UNC5D: variants seen among roughly 807,000 people sequenced by gnomAD.
The protein encoded by UNC5D is unc-5 netrin receptor D, also known as netrin receptor UNC5D.
A neutral mutation model predicts 105.4 loss-of-function variants in UNC5D; 39 were observed. That is an observed-to-expected ratio of 0.37 (90% CI 0.29 to 0.48). The LOEUF is 0.48. UNC5D is among the 20% of genes least tolerant of loss of function. The pLI, the probability that UNC5D is intolerant of heterozygous loss-of-function variation, is 0.98. For missense variants in UNC5D, 991 were observed against 1,202.4 expected, an observed-to-expected ratio of 0.82 and a Z score of 2.60; for synonymous variants, 452 against 450.4, an observed-to-expected ratio of 1.00 and a Z score of -0.04.
intron 1 of UNC5D, among the ~76,000 whole-genome samples, chr8:35,340,399 G>C (rs1013993015): frequency 6.6e-6 from 1 of 152,122 alleles, no homozygotes; most frequent in African/African-American, 2.4e-5. Context: ...GTGGACCAGA[G>C]TTATTACTCT....
At chr8:35,676,068 A>G (rs757991079) in intron 4 of UNC5D, among the ~76,000 whole-genome samples, 1 of 152,088 alleles carries the variant, frequency 6.6e-6, no homozygotes, top group Non-Finnish European at 1.5e-5. Flanking sequence ...ATCTGTTTAC[A>G]TCATGCTGCC....
intron 4 of UNC5D, among the ~76,000 whole-genome samples, chr8:35,677,377 G>T (rs983452402): frequency 6.6e-6 from 1 of 152,086 alleles, no homozygotes; most frequent in Non-Finnish European, 1.5e-5. Context: ...AGCAGTGCTC[G>T]TGGGGGTCTC....
chr8:35,713,749 T>C (rs1382106039), intron 8 of UNC5D, among the ~76,000 whole-genome samples: 2 of 152,110 alleles, frequency 1.3e-5, no homozygotes, highest in African/African-American at 4.8e-5. Flanking sequence ...GAAGCAGATA[T>C]TGGAGGAGAG....
At chr8:35,241,892 A>G (rs1802829349) in intron 1 of UNC5D, among the ~76,000 whole-genome samples, 2 of 152,204 alleles carry the variant, frequency 1.3e-5, no homozygotes, top group South Asian at 4.1e-4. Flanking sequence ...ATTATAAACT[A>G]TAGTCACCCT....
intron 1 of UNC5D, among the ~76,000 whole-genome samples, chr8:35,512,502 A>ATATG (rs1812795204): frequency 8.7e-6 from 1 of 114,502 alleles, no homozygotes; most frequent in Non-Finnish European, 1.7e-5. Context: ...ATATATATAT[A>ATATG]TATATATCTG....
chr8:35,383,457 A>C (rs548953699), intron 1 of UNC5D, among the ~76,000 whole-genome samples: 1 of 152,334 alleles, frequency 6.6e-6, no homozygotes, highest in South Asian at 2.1e-4. Context: ...TTGTATACCC[A>C]TTCCTTTGAG....
At chr8:35,750,379 C>T (rs1037926900) in intron 12 of UNC5D, among the ~76,000 whole-genome samples, 5 of 151,776 alleles carry the variant, frequency 3.3e-5, no homozygotes, top group Admixed American at 2.0e-4. Flanking sequence ...GCATGAGCCA[C>T]CATGCCTAGC....
At chr8:35,625,998 A>G (rs971910860) in intron 4 of UNC5D, among the ~76,000 whole-genome samples, 1 of 152,198 alleles carries the variant, frequency 6.6e-6, no homozygotes, top group African/African-American at 2.4e-5. Context: ...GTTTAATTAA[A>G]TTGCTCCTTG....
chr8:35,306,332 G>A (rs548385963), intron 1 of UNC5D, among the ~76,000 whole-genome samples: 2 of 152,038 alleles, frequency 1.3e-5, no homozygotes, highest in South Asian at 4.1e-4. Flanking sequence ...AGTTTCTCAA[G>A]ATTATCAATT....
chr8:35,553,741 A>G (rs1816332418), intron 2 of UNC5D, among the ~76,000 whole-genome samples: 1 of 152,210 alleles, frequency 6.6e-6, no homozygotes, highest in African/African-American at 2.4e-5. Flanking sequence ...TAGGGTGGAA[A>G]CAAAATGGCC....
intron 10 of UNC5D, chr8:35,727,564 T>C (rs951701810): frequency 2.6e-5 from 4 of 152,208 alleles, no homozygotes; most frequent in African/African-American, 4.8e-5. Flanking sequence ...TCATTTCTAG[T>C]TGATGAATGT....
intron 1 of UNC5D, among the ~76,000 whole-genome samples, chr8:35,353,717 T>C (rs1470215915): frequency 6.6e-6 from 1 of 152,076 alleles, no homozygotes; most frequent in Admixed American, 6.6e-5. Flanking sequence ...TCATGTGCAT[T>C]AATATTGAAA....
chr8:35,258,722 A>G (rs1345728161), intron 1 of UNC5D, among the ~76,000 whole-genome samples: 1 of 152,222 alleles, frequency 6.6e-6, no homozygotes, highest in Non-Finnish European at 1.5e-5. Context: ...AAGCGACTAT[A>G]GCTGCCATCA....
chr8:35,585,852 G>T (rs1021002660), intron 3 of UNC5D, among the ~76,000 whole-genome samples: 1 of 151,902 alleles, frequency 6.6e-6, no homozygotes, highest in Admixed American at 6.6e-5. Context: ...ACGTGGCATT[G>T]TCCTTTAATG....
chr8:35,305,589 C>CTTTCTTTA (rs1554505740), intron 1 of UNC5D, among the ~76,000 whole-genome samples: 8 of 61,676 alleles, frequency 1.3e-4, no homozygotes, highest in African/African-American at 6.6e-4. Context: ...TTCTTTCTTT[C>CTTTCTTTA]TTTCTTTCTT....
intron 1 of UNC5D, among the ~76,000 whole-genome samples, chr8:35,321,385 C>T (rs1190978005): frequency 6.6e-6 from 1 of 152,060 alleles, no homozygotes; most frequent in Admixed American, 6.6e-5. Flanking sequence ...GGCTGGTTTC[C>T]CCACTGCTGT....
intron 4 of UNC5D, among the ~76,000 whole-genome samples, chr8:35,663,898 T>G (rs534684167): frequency 6.6e-6 from 1 of 152,314 alleles, no homozygotes; most frequent in Non-Finnish European, 1.5e-5. Flanking sequence ...CTACAAACTT[T>G]TATTTTTTAA....
At chr8:35,385,045 G>A (rs184336915) in intron 1 of UNC5D, among the ~76,000 whole-genome samples, 118 of 152,330 alleles carry the variant, frequency 7.7e-4, no homozygotes, top group African/African-American at 2.7e-3. Flanking sequence ...CCAGTGTGAA[G>A]TCACAGGAGA....
Position 35,484,592 on chromosome 8 carries a change from T to A in UNC5D, c.104-64700T>A, listed in dbSNP as rs117443301. On this transcript the variant is annotated intron_variant, in intron 1 of 16. Transcript: ENST00000404895. ...TCCATGGCTTCCCACTGACATGTTA[T>A]GAAAATTGCAGATACCAGGAGGAAA... 2.0e-3 allele frequency among the ~76,000 whole-genome samples: 305 copies of A among 152,250 alleles called. 12 individuals are homozygous for A. The East Asian group carries it at 0.056, about 28-fold the overall frequency.
Sources: gnomAD v4.1 joint callset for allele counts (sites outside exome capture counted in the v4.1 genomes callset) on GRCh38, gnomAD v4.1.1 for gene constraint, MANE v1.5 for transcripts, NCBI Gene and HGNC (gene_info 2026-07-23, HGNC 2026-07-21) for gene names.